The following TBC1D8 variants were observed in gnomAD, a reference collection of about 807,000 sequenced individuals.
TBC1D8 encodes BUB2-like protein 1.
In TBC1D8, 65 loss-of-function variants were observed where a neutral mutation model predicts 118.8. The observed-to-expected ratio is 0.55, with a 90% CI of 0.45 to 0.67. The LOEUF is 0.67. Among genes scored for constraint, TBC1D8 ranks in the 30% least tolerant of loss-of-function variants. TBC1D8 has a pLI of 0.00. For synonymous variants in TBC1D8, 566 were observed against 595.8 expected (o/e 0.95, Z 0.73); for missense variants, 1,376 against 1,471.2 (o/e 0.94, Z 1.06).
intron 2 of TBC1D8, among the ~76,000 whole-genome samples, chr2:101,080,365 A>G (rs1675181726): frequency 6.6e-6 from 1 of 152,144 alleles, no homozygotes; most frequent in Admixed American, 6.5e-5. Flanking sequence ...TGTTCTTGAA[A>G]AAAAGATGGG....
rs577881369 is a variant in TBC1D8, at chr2:101,116,114, C to T, written c.128-25750G>A. Reference sequence around the variant, plus strand: ...GAAAAATCTCCACCAATCTTACCCCCTCAACAAATCAAACCAACTTCATGT... The same window carrying T: ...GAAAAATCTCCACCAATCTTACCCCTTCAACAAATCAAACCAACTTCATGT... On this transcript the variant is annotated intron_variant, in intron 1 of 19. Coordinates refer to ENST00000409318, the MANE Select transcript of TBC1D8 (RefSeq NM_001330348.2). Among the ~76,000 whole-genome samples the T allele has an allele frequency of 5.3e-5, 8 of 152,294 alleles. No homozygotes were observed. The South Asian group carries it at 1.2e-3, about 24-fold the overall frequency.
At chr2:101,046,281 G>A (rs1042271868) in intron 5 of TBC1D8, among the ~76,000 whole-genome samples, 51 of 152,198 alleles carry the variant, frequency 3.4e-4, no homozygotes, top group African/African-American at 1.2e-3. Flanking sequence ...CGGTCGGCAC[G>A]AAGGGCCCCT....
chr2:101,011,108 G>A, intron 18 of TBC1D8, 82 bp from the exon 19 acceptor site: 1 of 1,327,356 alleles, frequency 7.5e-7, no homozygotes, highest in Admixed American at 1.9e-5. Flanking sequence ...GGAGAGAGGA[G>A]CAAGGGGGTG....
intron 1 of TBC1D8, among the ~76,000 whole-genome samples, chr2:101,131,892 A>G (rs1678610357): frequency 6.6e-6 from 1 of 152,204 alleles, no homozygotes. Flanking sequence ...TCAGACTTAC[A>G]ATAAAGTTAT....
intron 1 of TBC1D8, among the ~76,000 whole-genome samples, chr2:101,100,877 G>C (rs55919377): frequency 0.45 from 68,552 of 151,866 alleles, 15,921 homozygotes; most frequent in East Asian, 0.62. Context: ...ACACCTTATA[G>C]AAAAATTAAC....
intron 9 of TBC1D8, among the ~76,000 whole-genome samples, chr2:101,034,143 G>A (rs981992773): frequency 1.3e-5 from 2 of 152,140 alleles, no homozygotes; most frequent in Non-Finnish European, 2.9e-5. Flanking sequence ...CAGCCTGGGC[G>A]ACAGAGTAAG....
At chr2:101,014,752 A>T (rs2105365987) in intron 17 of TBC1D8, among the ~76,000 whole-genome samples, 1 of 152,344 alleles carries the variant, frequency 6.6e-6, no homozygotes, top group Middle Eastern at 3.4e-3. Flanking sequence ...GTACAGAGTT[A>T]TCTTCAGTAT....
At chr2:101,140,057 A>C (rs1679034270) in intron 1 of TBC1D8, among the ~76,000 whole-genome samples, 1 of 152,200 alleles carries the variant, frequency 6.6e-6, no homozygotes, top group Admixed American at 6.5e-5. Flanking sequence ...TTTAGAAAAC[A>C]TAACAGTTTG....
chr2:101,018,967 T>C lies in TBC1D8; in HGVS notation c.2827+2714A>G, dbSNP rs768154609. 6.8e-6 allele frequency: 11 copies of C among 1,607,882 alleles called. No individual in the cohort carries two copies. The South Asian group carries it at 7.8e-5, about 11-fold the overall frequency. ...TTCGTCTGTGTGTTACCTGACATGG[T>C]ACCAAATCATCTGTAATATTTCTGT... On this transcript the variant is annotated intron_variant, in intron 17 of 19. Coordinates refer to ENST00000409318, the MANE Select transcript of TBC1D8 (RefSeq NM_001330348.2).
intron 1 of TBC1D8, among the ~76,000 whole-genome samples, chr2:101,093,765 G>A (rs570828858): frequency 1.3e-4 from 19 of 151,850 alleles, no homozygotes; most frequent in Non-Finnish European, 2.5e-4. Context: ...GTTGGAGTGC[G>A]GTGGCACAAT....
rs1558715424 is a variant in TBC1D8 at position 101,114,479 on chromosome 2, CTT to C, written c.128-24117_128-24116del. On this transcript the variant is annotated intron_variant, in intron 1 of 19. Transcript: ENST00000409318. ...GTTGTTTAAACTCACTTACAGGAAA[CTT>C]TTTCCGTATGCTCCAAGTACCTGGA... 8.5e-5 allele frequency among the ~76,000 whole-genome samples: 13 copies of C among 152,244 alleles called. No individual in the cohort carries two copies. In the South Asian group the frequency reaches 2.7e-3, roughly 32 times the overall value.
intron 14 of TBC1D8, 82 bp from the exon 15 acceptor site, chr2:101,027,533 T>G: frequency 7.8e-7 from 1 of 1,274,126 alleles, no homozygotes; most frequent in Non-Finnish European, 1.1e-6. Flanking sequence ...CTCTTCCTCC[T>G]GAAGGGGACA....
chr2:101,012,171 TAA>T (rs1679266734), intron 17 of TBC1D8, among the ~76,000 whole-genome samples: 1 of 152,204 alleles, frequency 6.6e-6, no homozygotes, highest in South Asian at 2.1e-4. Context: ...TTAAAAAAGT[TAA>T]AGTTACCATT....
At chr2:101,050,150 G>T (rs984548442) in intron 5 of TBC1D8, among the ~76,000 whole-genome samples, 1 of 152,168 alleles carries the variant, frequency 6.6e-6, no homozygotes, top group African/African-American at 2.4e-5. Flanking sequence ...ATTTCTAAAA[G>T]CATTCTTCAT....
intron 15 of TBC1D8, among the ~76,000 whole-genome samples, chr2:101,022,932 C>G (rs1680128509): frequency 6.6e-6 from 1 of 151,898 alleles, no homozygotes; most frequent in Non-Finnish European, 1.5e-5. Context: ...CGTCTGCGCT[C>G]AAGATTTCGT....
intron 3 of TBC1D8, among the ~76,000 whole-genome samples, chr2:101,059,211 CTTT>C (rs142846099): frequency 0.31 from 42,905 of 140,284 alleles, 6,322 homozygotes; most frequent in Middle Eastern, 0.37. Context: ...CCAGCCAAGT[CTTT>C]TTTTTTTTTT....
intron 1 of TBC1D8, among the ~76,000 whole-genome samples, chr2:101,091,651 G>A (rs1024411274): frequency 3.2e-4 from 48 of 152,182 alleles, no homozygotes; most frequent in Non-Finnish European, 3.7e-4. Context: ...CTTCAGTTTA[G>A]GAGTTCGAGG....
intron 17 of TBC1D8, among the ~76,000 whole-genome samples, chr2:101,017,653 T>G (rs1271599139): frequency 6.6e-6 from 1 of 152,236 alleles, no homozygotes; most frequent in Admixed American, 6.5e-5. Context: ...TGCAAAGATC[T>G]TGTGTATTTC....
intron 2 of TBC1D8, among the ~76,000 whole-genome samples, chr2:101,074,949 G>A (rs9784031): frequency 0.011 from 1,627 of 152,144 alleles, 38 homozygotes; most frequent in African/African-American, 0.037. Flanking sequence ...CATTAAATAC[G>A]CATCATATAT....
Sources: allele counts gnomAD v4.1 joint callset (sites outside exome capture counted in the v4.1 genomes callset), GRCh38; gene constraint gnomAD v4.1.1; transcripts MANE v1.5; gene names NCBI Gene and HGNC (gene_info 2026-07-23, HGNC 2026-07-21).